VWA8: variants seen among roughly 807,000 people sequenced by gnomAD.
The protein encoded by VWA8 is von Willebrand factor A domain containing 8.
A neutral mutation model predicts 241.5 loss-of-function variants in VWA8; 221 were observed. The ratio of observed to expected loss-of-function variants is 0.91; its 90% CI spans 0.82 to 1.02. The LOEUF (loss-of-function observed/expected upper bound fraction) is 1.02, where lower values mean the gene tolerates loss of function less well. Ranked by LOEUF, VWA8 falls within the 50% of genes least tolerant of loss-of-function variation. VWA8 has a pLI of 0.00. For missense variants in VWA8, 2,322 were observed against 2,328.7 expected (o/e 1.00, Z 0.06); for synonymous variants, 852 against 827.1 (o/e 1.03, Z -0.52).
intron 42 of VWA8, among the ~76,000 whole-genome samples, chr13:41,583,683 A>G (rs1185953479): frequency 1.3e-5 from 2 of 151,540 alleles, no homozygotes; most frequent in Non-Finnish European, 2.9e-5. Context: ...AAGAATCTAT[A>G]AGACAACTGG....
intron 2 of VWA8, among the ~76,000 whole-genome samples, chr13:41,935,580 A>G (rs888209772): frequency 6.6e-6 from 1 of 152,086 alleles, no homozygotes; most frequent in Non-Finnish European, 1.5e-5. Context: ...CATACTTACT[A>G]TAATTTTAAA....
chr13:41,636,458 TAAAACCATA>T (rs1566396728), intron 37 of VWA8, among the ~76,000 whole-genome samples: 3 of 152,072 alleles, frequency 2.0e-5, no homozygotes, highest in Non-Finnish European at 4.4e-5. Flanking sequence ...ATGTTAGACC[TAAAACCATA>T]AAAACCCTAG....
intron 35 of VWA8, among the ~76,000 whole-genome samples, chr13:41,679,529 G>A (rs2045083267): frequency 6.6e-6 from 1 of 152,146 alleles, no homozygotes; most frequent in South Asian, 2.1e-4. Context: ...ATTATTTTGT[G>A]TTTAAAGAGC....
chr13:41,898,070 G>A (rs889447006), intron 4 of VWA8, among the ~76,000 whole-genome samples: 2 of 152,178 alleles, frequency 1.3e-5, no homozygotes, highest in Non-Finnish European at 2.9e-5. Context: ...GCTAGATACA[G>A]AGTGTCGATT....
chr13:41,819,886 T>C (rs990078716), intron 14 of VWA8, among the ~76,000 whole-genome samples: 38 of 152,166 alleles, frequency 2.5e-4, no homozygotes, highest in African/African-American at 8.9e-4. Context: ...GAATTTAAAA[T>C]TTAGATTGGG....
intron 9 of VWA8, among the ~76,000 whole-genome samples, chr13:41,877,426 A>G (rs1439255782): frequency 1.3e-5 from 2 of 152,098 alleles, no homozygotes; most frequent in Non-Finnish European, 2.9e-5. Context: ...ACATATTAAA[A>G]TAGTTATTTA....
chr13:41,893,887 T>G (rs1593850967), intron 4 of VWA8, among the ~76,000 whole-genome samples: 1 of 152,130 alleles, frequency 6.6e-6, no homozygotes, highest in African/African-American at 2.4e-5. Flanking sequence ...ACAAACTACT[T>G]CTTATAAAAA....
rs1221281894 is a variant in VWA8 at position 41,605,274 on chromosome 13, A to C, written c.4880T>G (p.Leu1627Arg). ...GTATTCACTCATTTGGATCTCCTTT[A>C]GCCTGAAATCAGAAGAGTATAAAAA... ...EMGQRAFQQRLKEIQMSEYDA... is the reference protein window; with the variant it reads ...EMGQRAFQQRRKEIQMSEYDA... Residue 1627 changes from leucine to arginine, a missense_variant and splice_region_variant, in exon 40 of 45, where the codon CTA becomes CGA. Leu to Arg is a moderately radical substitution (Grantham distance 102). Coordinates refer to ENST00000379310, the MANE Select transcript of VWA8 (RefSeq NM_015058.2). 1 of 1,612,688 alleles carries C rather than the reference A, an allele frequency of 6.2e-7. No homozygotes were observed. The highest frequency in any genetic ancestry group is 1.1e-5 in the South Asian group (1 of 91,040).
At chr13:41,607,118 T>A (rs544873111) in intron 39 of VWA8, among the ~76,000 whole-genome samples, 2 of 152,304 alleles carry the variant, frequency 1.3e-5, no homozygotes, top group African/African-American at 4.8e-5. Flanking sequence ...TGGGATGTAC[T>A]CTGATGTTTT....
chr13:41,947,485 A>G (rs1170426486), intron 2 of VWA8, among the ~76,000 whole-genome samples: 1 of 152,232 alleles, frequency 6.6e-6, no homozygotes, highest in African/African-American at 2.4e-5. Context: ...GTCATTAGGG[A>G]AATACAAATC....
chr13:41,590,029 A>G (rs1387331165), intron 41 of VWA8, among the ~76,000 whole-genome samples: 2 of 151,992 alleles, frequency 1.3e-5, no homozygotes, highest in Admixed American at 6.5e-5. Context: ...ATTTTCAGAG[A>G]ACCTTCAGAG....
intron 37 of VWA8, among the ~76,000 whole-genome samples, chr13:41,633,809 C>T (rs2044740212): frequency 1.3e-5 from 2 of 152,058 alleles, no homozygotes; most frequent in African/African-American, 4.8e-5. Flanking sequence ...GCGGGTTGGT[C>T]ATTTCCTCCT....
At chr13:41,856,923 A>G (rs549295707) in intron 12 of VWA8, among the ~76,000 whole-genome samples, 77 of 151,608 alleles carry the variant, frequency 5.1e-4, no homozygotes, top group Non-Finnish European at 9.0e-4. Context: ...TCTAAATCAT[A>G]TATTTGTTGG....
At chr13:41,829,530 TACAC>T (rs71096546) in intron 14 of VWA8, among the ~76,000 whole-genome samples, 27,480 of 139,680 alleles carry the variant, frequency 0.2, 2,960 homozygotes, top group East Asian at 0.34. Context: ...GGAAATGTGA[TACAC>T]ACACACACAC....
At chr13:41,914,112 G>T (rs527987143) in intron 2 of VWA8, among the ~76,000 whole-genome samples, 1 of 152,354 alleles carries the variant, frequency 6.6e-6, no homozygotes, top group Non-Finnish European at 1.5e-5. Context: ...AGAATCACTT[G>T]AACAGGGGAG....
chr13:41,742,825 C>T (rs1050019808), intron 21 of VWA8, among the ~76,000 whole-genome samples: 9 of 152,172 alleles, frequency 5.9e-5, no homozygotes, highest in African/African-American at 2.2e-4. Context: ...TGTAGTTCAA[C>T]ATGCATTTTT....
At chr13:41,907,141 T>A (rs1333178918) in intron 4 of VWA8, among the ~76,000 whole-genome samples, 1 of 152,196 alleles carries the variant, frequency 6.6e-6, no homozygotes, top group South Asian at 2.1e-4. Context: ...GTACCTAAGA[T>A]ACTCTCCCAC....
At chr13:41,951,425 A>T (rs1430354965) in intron 1 of VWA8, among the ~76,000 whole-genome samples, 1 of 152,220 alleles carries the variant, frequency 6.6e-6, no homozygotes, top group Non-Finnish European at 1.5e-5. Context: ...TCAAATAAAT[A>T]AAAAATAAAA....
intron 39 of VWA8, among the ~76,000 whole-genome samples, chr13:41,605,651 A>G (rs2044549194): frequency 6.6e-6 from 1 of 152,138 alleles, no homozygotes; most frequent in Admixed American, 6.5e-5. Flanking sequence ...CCATTGCTAT[A>G]TCCCAAAGCC....
Sources: gnomAD v4.1 joint callset for allele counts (sites outside exome capture counted in the v4.1 genomes callset) on GRCh38, gnomAD v4.1.1 for gene constraint, MANE v1.5 for transcripts, NCBI Gene and HGNC (gene_info 2026-07-23, HGNC 2026-07-21) for gene names.